Variants in ZFHX3 observed in about 807,000 individuals in gnomAD.
ZFHX3 encodes zinc finger homeobox 3.
A neutral mutation model predicts 279.1 loss-of-function variants in ZFHX3; 42 were observed. The ratio of observed to expected loss-of-function variants is 0.15; its 90% CI spans 0.12 to 0.19. The LOEUF (loss-of-function observed/expected upper bound fraction) is 0.19. Among genes scored for constraint, ZFHX3 ranks in the 10% least tolerant of loss-of-function variants. The probability of loss-of-function intolerance (pLI) is 1.00; values close to 1 mark genes in which losing one functional copy is unlikely to be tolerated. For missense variants in ZFHX3, 4,981 were observed against 4,754.0 expected (o/e 1.05, Z -1.40); for synonymous variants, 2,293 against 1,957.8 (o/e 1.17, Z -4.52).
intron 3 of ZFHX3, among the ~76,000 whole-genome samples, chr16:73,429,331 G>GAT (rs1394683198): frequency 6.6e-6 from 1 of 152,060 alleles, no homozygotes. Context: ...AAGACCTTCA[G>GAT]ATATATATAT....
At chr16:73,281,108 G>T (rs1365759095) in intron 4 of ZFHX3, among the ~76,000 whole-genome samples, 1 of 150,416 alleles carries the variant, frequency 6.6e-6, no homozygotes, top group African/African-American at 2.5e-5. Context: ...ACTGCCATGT[G>T]GTCCAGCAAT....
At chr16:73,003,512 A>ACCCCCCCC (rs142323888) in intron 1 of ZFHX3, among the ~76,000 whole-genome samples, 35 of 120,708 alleles carry the variant, frequency 2.9e-4, no homozygotes, top group Admixed American at 9.4e-4. Flanking sequence ...ACATGGTGAG[A>ACCCCCCCC]CCCCCCCCTC....
chr16:73,877,207 G>GT (rs2029980668), intron 1 of ZFHX3, among the ~76,000 whole-genome samples: 2 of 141,946 alleles, frequency 1.4e-5, no homozygotes, highest in South Asian at 2.5e-4. Context: ...TAGGTCGGGG[G>GT]GGGGTCCCAG....
chr16:73,014,924 C>T (rs1395827744), intron 1 of ZFHX3: 1 of 152,058 alleles, frequency 6.6e-6, no homozygotes, highest in Non-Finnish European at 1.5e-5. Context: ...GTTCACCCTA[C>T]CAAGGGGTTC....
Position 72,788,493 on chromosome 16 carries a change from T to C in ZFHX3, c.9783A>G (p.Lys3261=), listed in dbSNP as rs755401185. The C allele has an allele frequency of 1.8e-5, 29 of 1,614,072 alleles. No homozygotes were observed. The highest frequency in any genetic ancestry group is 1.2e-4 in the Admixed American group (7 of 60,004). The change falls in exon 10 of 10, where the codon AAA becomes AAG. Residue 3261 remains lysine (K), a synonymous_variant. Transcript: ENST00000268489. Reference sequence around the variant, plus strand: ...CTGCAGTTGCCGTGGGGGCCTCTCCTTTCTCCTTCTTGGGGACAGGCAGGG... The same window carrying C: ...CTGCAGTTGCCGTGGGGGCCTCTCCCTTCTCCTTCTTGGGGACAGGCAGGG... ...GEPLPVPKKE[K]GEAPTATAAT... is the part of the protein sequence containing the mutation.
chr16:73,573,453 G>A (rs1230751954), intron 2 of ZFHX3, among the ~76,000 whole-genome samples: 1 of 152,140 alleles, frequency 6.6e-6, no homozygotes, highest in Non-Finnish European at 1.5e-5. Flanking sequence ...AAGAGCAGGA[G>A]TTTTGCCTGC....
In ZFHX3 at chr16:73,031,214, A is replaced by G. The variant is rs142957773; in HGVS notation, c.-50+16538T>C. 4.5e-3 allele frequency among the ~76,000 whole-genome samples: 679 copies of G among 152,348 alleles called. 4 individuals are homozygous for G. The highest frequency in any genetic ancestry group is 0.015 in the African/African-American group (633 of 41,572). On this transcript the variant is annotated intron_variant, in intron 1 of 9. Transcript: ENST00000268489. ...TAAATCATCACAAATGTTTTCACAA[A>G]TAATTAATCTTCGTTTGAAAATGTT... is the stretch of plus-strand genomic sequence containing the variant.
At chr16:73,656,682 C>T (rs1030597804) in intron 2 of ZFHX3, among the ~76,000 whole-genome samples, 2 of 152,112 alleles carry the variant, frequency 1.3e-5, no homozygotes, top group African/African-American at 2.4e-5. Flanking sequence ...AAAGTACTTC[C>T]ACCATTATCT....
chr16:73,104,362 C>T (rs1322576301), intron 7 of ZFHX3, among the ~76,000 whole-genome samples: 1 of 152,156 alleles, frequency 6.6e-6, no homozygotes, highest in East Asian at 1.9e-4. Flanking sequence ...TCCCGAGTAG[C>T]TGGGATTACA....
intron 2 of ZFHX3, among the ~76,000 whole-genome samples, chr16:73,600,246 C>T (rs2052097529): frequency 6.6e-6 from 1 of 152,110 alleles, no homozygotes; most frequent in Non-Finnish European, 1.5e-5. Context: ...GCAGCATCAT[C>T]CCTTTCATCC....
At chr16:72,792,130 A>T (rs2035727797) in intron 9 of ZFHX3, among the ~76,000 whole-genome samples, 1 of 152,224 alleles carries the variant, frequency 6.6e-6, no homozygotes, top group Non-Finnish European at 1.5e-5. Flanking sequence ...GATCCAGAGA[A>T]GATGTGAGGA....
At chr16:72,896,939 C>T (rs961921715) in intron 3 of ZFHX3, among the ~76,000 whole-genome samples, 27 of 152,364 alleles carry the variant, frequency 1.8e-4, no homozygotes, top group African/African-American at 6.3e-4. Flanking sequence ...CAGACACACC[C>T]GTGGCCGCCC....
chr16:72,941,849 C>T (rs1296216037), intron 3 of ZFHX3, among the ~76,000 whole-genome samples: 1 of 152,168 alleles, frequency 6.6e-6, no homozygotes, highest in African/African-American at 2.4e-5. Flanking sequence ...TTTTAACTTT[C>T]ATTCTACATC....
At chr16:73,333,121 C>T (rs1387631862) in intron 3 of ZFHX3, among the ~76,000 whole-genome samples, 4 of 151,984 alleles carry the variant, frequency 2.6e-5, no homozygotes, top group Non-Finnish European at 5.9e-5. Flanking sequence ...TAAATAGTTA[C>T]ATAGATACAT....
intron 4 of ZFHX3, among the ~76,000 whole-genome samples, chr16:72,880,163 T>C (rs867775085): frequency 9.9e-5 from 15 of 152,214 alleles, no homozygotes; most frequent in African/African-American, 3.6e-4. Flanking sequence ...AGGATCTCCA[T>C]GACCTCCCTT....
chr16:73,326,167 A>G (rs2015684754), intron 3 of ZFHX3, among the ~76,000 whole-genome samples: 1 of 152,190 alleles, frequency 6.6e-6, no homozygotes, highest in African/African-American at 2.4e-5. Context: ...AAAATACTTT[A>G]TCATTTATTC....
intron 3 of ZFHX3, among the ~76,000 whole-genome samples, chr16:73,417,988 CAAAAAA>C (rs71156161): frequency 5.9e-4 from 34 of 57,854 alleles, no homozygotes; most frequent in Admixed American, 3.2e-3. Context: ...GACTCCATCT[CAAAAAA>C]AAAAAAAAAA....
chr16:73,807,768 G>C (rs957676401), intron 1 of ZFHX3, among the ~76,000 whole-genome samples: 9 of 151,330 alleles, frequency 5.9e-5, no homozygotes, highest in Admixed American at 3.3e-4. Flanking sequence ...ACTGCACCCA[G>C]CCAAAGTATC....
intron 4 of ZFHX3, among the ~76,000 whole-genome samples, chr16:73,275,886 T>A (rs7190755): frequency 2.7e-3 from 411 of 152,270 alleles, no homozygotes; most frequent in African/African-American, 9.2e-3. Flanking sequence ...CTGGTATATA[T>A]TTTTGCTTAG....
Sources: gnomAD v4.1 joint callset for allele counts (sites outside exome capture counted in the v4.1 genomes callset) on GRCh38, gnomAD v4.1.1 for gene constraint, MANE v1.5 for transcripts, NCBI Gene and HGNC (gene_info 2026-07-23, HGNC 2026-07-21) for gene names.